PIEZO1: variants seen among roughly 807,000 people sequenced by gnomAD.
PIEZO1 encodes piezo type mechanosensitive ion channel component 1 (Er blood group), also known as piezo-type mechanosensitive ion channel component 1.
PIEZO1 carries 296 observed loss-of-function variants against 297.2 expected under a neutral mutation model. The ratio of observed to expected loss-of-function variants is 1.00; its 90% CI spans 0.91 to 1.10. The LOEUF (loss-of-function observed/expected upper bound fraction) is 1.10, where lower values mean the gene tolerates loss of function less well. Among genes scored for constraint, PIEZO1 ranks in the 50% least tolerant of loss-of-function variants. The pLI, the probability that PIEZO1 is intolerant of heterozygous loss-of-function variation, is 0.00. For missense variants in PIEZO1, 5,018 were observed against 3,455.5 expected, an observed-to-expected ratio of 1.45 and a Z score of -11.34; for synonymous variants, 2,427 against 1,507.5, an observed-to-expected ratio of 1.61 and a Z score of -14.13.
rs1333146804 is a variant in PIEZO1, at chr16:88,757,332, G to T, written c.65-7853C>A. Among the ~76,000 whole-genome samples the T allele has an allele frequency of 2.0e-4, 24 of 118,264 alleles. 3 individuals are homozygous for T. The highest frequency in any genetic ancestry group is 1.7e-3 in the Admixed American group (22 of 12,888). 77.6% of individuals were successfully genotyped at this position (118,264 alleles called of 152,430 possible). ...GGGCGTTGCTGGCGGGGGGGTGGGGGGTAGTTACCTAACCTGCCTGCTTTC... is the reference window on the plus strand; with the variant it reads ...GGGCGTTGCTGGCGGGGGGGTGGGGTGTAGTTACCTAACCTGCCTGCTTTC... On this transcript the variant is annotated intron_variant, in intron 1 of 50. Transcript: ENST00000301015.
chr16:88,741,574 G>A lies in PIEZO1; in HGVS notation c.369C>T (p.Ala123=). 4 of 1,535,596 alleles carry A rather than the reference G, an allele frequency of 2.6e-6. No individual in the cohort carries two copies. The highest frequency in any genetic ancestry group is 3.5e-6 in the Non-Finnish European group (4 of 1,146,732). The part of the protein sequence containing the change: ...KDIPNAIRLV[A]PDLGILVVSS... Reference sequence around the variant, plus strand: ...AGACCACCAAGATGCCCAGGTCAGGGGCCACCAGCCGGATGGCGTTGGGGA... The same window carrying A: ...AGACCACCAAGATGCCCAGGTCAGGAGCCACCAGCCGGATGGCGTTGGGGA... The change falls in exon 5 of 51, where the codon GCC becomes GCT. Residue 123 remains alanine, a synonymous_variant. Transcript: ENST00000301015.
chr16:88,749,521 G>A (rs781154173), intron 1 of PIEZO1, 42 bp from the exon 2 acceptor site: 101 of 1,425,062 alleles, frequency 7.1e-5, no homozygotes, highest in Non-Finnish European at 8.8e-5. Context: ...AACAGAGGAT[G>A]GCCAGCCCCA....
intron 1 of PIEZO1, among the ~76,000 whole-genome samples, chr16:88,754,236 G>A (rs1906541836): frequency 6.6e-6 from 1 of 152,180 alleles, no homozygotes; most frequent in Non-Finnish European, 1.5e-5. Context: ...TGCCCCCACG[G>A]TAGCTGCTGG....
intron 10 of PIEZO1, chr16:88,737,344 G>T: frequency 5.6e-6 from 3 of 533,836 alleles, no homozygotes; most frequent in Non-Finnish European, 1.0e-5. Flanking sequence ...GCTGCCCTGG[G>T]GGTCTTGGGG....
In PIEZO1 at chr16:88,771,380, G is replaced by A. The variant is rs567769594; in HGVS notation, c.64+13521C>T. On this transcript the variant is annotated intron_variant, in intron 1 of 50. Coordinates refer to ENST00000301015, the MANE Select transcript of PIEZO1 (RefSeq NM_001142864.4). Reference sequence around the variant, plus strand: ...CATCTGACTACATACAGCTAGGAGTGCGGCGACAACAAGAAACCAGGCCAG... The same window carrying A: ...CATCTGACTACATACAGCTAGGAGTACGGCGACAACAAGAAACCAGGCCAG... 7.0e-4 allele frequency among the ~76,000 whole-genome samples: 107 copies of A among 152,306 alleles called. 1 individual carries two copies. Among genetic ancestry groups the A allele is most frequent in the Non-Finnish European group, 1.3e-3 (89 of 68,014 alleles).
In PIEZO1 at chr16:88,727,127, C is replaced by G; in HGVS notation, c.3367G>C (p.Glu1123Gln). ...TTGACGCCAGCCATGCGCTGCCACT[C>G]CTCTGTGCGCTCAGCTGAGAACACC... ...WQVFSAERTE[E>Q]WQRMAGVNTD... Residue 1123 changes from glutamate (E) to glutamine (Q), a missense_variant, in exon 24 of 51, where the codon GAG (glutamate) becomes CAG (glutamine). Glu to Gln is a conservative substitution (Grantham distance 29). Transcript: ENST00000301015. The G allele has an allele frequency of 6.5e-7, 1 of 1,549,966 alleles. No homozygotes were observed.
intron 1 of PIEZO1, among the ~76,000 whole-genome samples, chr16:88,762,506 G>C (rs570642400): frequency 6.6e-6 from 1 of 152,142 alleles, no homozygotes; most frequent in Admixed American, 6.5e-5. Flanking sequence ...GAGAGGATGT[G>C]TCTGGGGAGG....
At chr16:88,724,167 G>A (rs139153844) in intron 30 of PIEZO1, among the ~76,000 whole-genome samples, 196 bp from the exon 31 acceptor site, 3 of 152,362 alleles carry the variant, frequency 2.0e-5, no homozygotes, top group East Asian at 3.9e-4. Flanking sequence ...CAGAGCCAGC[G>A]CGGGCTGGGG....
chr16:88,748,617 G>T (rs570196682), intron 2 of PIEZO1, among the ~76,000 whole-genome samples: 1 of 152,094 alleles, frequency 6.6e-6, no homozygotes, highest in Non-Finnish European at 1.5e-5. Context: ...AACGTGCCTG[G>T]AGCCTGCAGA....
rs1434305642 is a variant in PIEZO1, at chr16:88,727,076, C to G, written c.3418G>C (p.Gly1140Arg). 10 of 1,549,556 alleles carry G rather than the reference C, an allele frequency of 6.5e-6. No individual in the cohort carries two copies. Among genetic ancestry groups the G allele is most frequent in the Non-Finnish European group, 7.9e-6 (9 of 1,146,398 alleles). ...AAGTTGGGCACGGGGTTGGGCTCCC[C>G]CCGCAGCGGCTCCAGGCGGTCGGTG... ...VNTDRLEPLR[G>R]EPNPVPNFIH... The change falls in exon 24 of 51, where the codon GGG (glycine) becomes CGG (arginine). Residue 1140 changes from glycine (G) to arginine (R), a missense_variant. Transcript: ENST00000301015.
chr16:88,755,523 G>A (rs1906610635), intron 1 of PIEZO1, among the ~76,000 whole-genome samples: 1 of 152,244 alleles, frequency 6.6e-6, no homozygotes, highest in African/African-American at 2.4e-5. Flanking sequence ...TCGGGCGTTT[G>A]GGTTCAGAGC....
rs568280615 is a variant in PIEZO1, at chr16:88,731,902, G to A, written c.3000C>T (p.Phe1000=). 6.4e-5 allele frequency: 97 copies of A among 1,508,644 alleles called. No individual in the cohort carries two copies. Among genetic ancestry groups the A allele is most frequent in the Admixed American group, 3.6e-4 (17 of 47,552 alleles). The allele number at this position is 1,508,644 out of a possible 1,614,324, so 93.5% of individuals were successfully genotyped here. ...GCCCGATCACGTTCACGGCCATCAG[G>A]AAGCAGATCTGGGGAGGGGAGAGGG... The part of the protein sequence containing the change: ...FFYKFGLEIC[F]LMAVNVIGQR... The change falls in exon 22 of 51, where the codon TTC becomes TTT. Residue 1000 remains phenylalanine, a synonymous_variant. Transcript: ENST00000301015.
In PIEZO1 at chr16:88,769,418, G is replaced by A. The variant is rs112073607; in HGVS notation, c.64+15483C>T. On this transcript the variant is annotated intron_variant, in intron 1 of 50. Transcript: ENST00000301015. ...TATGAAGTCAGGCCTGGAATTTTCC[G>A]CTTGGATTTAGATTTCGGACTTGGG... 6.4e-3 allele frequency among the ~76,000 whole-genome samples: 970 copies of A among 152,306 alleles called. 13 individuals carry two copies. Among genetic ancestry groups the A allele is most frequent in the African/African-American group, 0.021 (858 of 41,560 alleles).
chr16:88,742,829 G>A (rs1483899925), intron 2 of PIEZO1: 4 of 347,756 alleles, frequency 1.2e-5, no homozygotes, highest in African/African-American at 2.1e-5. Flanking sequence ...GGTGGATGGA[G>A]ACCAGAGCAT....
rs113773794 is a variant in PIEZO1 at position 88,721,202 on chromosome 16, T to C, written c.5632A>G (p.Lys1878Glu). 436 of 704,218 alleles carry C rather than the reference T, an allele frequency of 6.2e-4. 4 individuals carry two copies. The South Asian group carries it at 8.7e-3, about 14-fold the overall frequency. The allele number at this position is 704,218 out of a possible 1,614,324, so 43.6% of individuals were successfully genotyped here. A position where few individuals can be genotyped will look rare whatever the true frequency, so the allele number is the denominator to read the frequency against. Residue 1878 changes from lysine to glutamate, a missense_variant, in exon 39 of 51, where the codon AAG becomes GAG. Coordinates refer to ENST00000301015, the MANE Select transcript of PIEZO1 (RefSeq NM_001142864.4). Reference sequence around the variant, plus strand: ...GCTCCTTTCCGTGCTGGGCCCTCCTTCTTCCTTCTTCTAAAACGTAGACTG... The same window carrying C: ...GCTCCTTTCCGTGCTGGGCCCTCCTCCTTCCTTCTTCTAAAACGTAGACTG... ...RISLRFRRRK[K>E]EGPARKGAAA...
rs1184731756 is a variant in PIEZO1 at position 88,721,700 on chromosome 16, G to A, written c.5241C>T (p.Phe1747=). 10 of 1,547,926 alleles carry A rather than the reference G, an allele frequency of 6.5e-6. No individual in the cohort carries two copies. Among genetic ancestry groups the A allele is most frequent in the Non-Finnish European group, 8.7e-6 (10 of 1,146,030 alleles). Reference sequence around the variant, plus strand: ...TGTTCCAGGGGAAGAACCCAAACTGGAACAGGTACTTGACGACCACCGCGA... The same window carrying A: ...TGTTCCAGGGGAAGAACCCAAACTGAAACAGGTACTTGACGACCACCGCGA... ...TEIAVVVKYL[F]QFGFFPWNSH... Residue 1747 remains phenylalanine, a synonymous_variant, in exon 38 of 51, where the codon TTC becomes TTT. Coordinates refer to ENST00000301015, the MANE Select transcript of PIEZO1 (RefSeq NM_001142864.4).
Position 88,734,079 on chromosome 16 carries a change from T to C in PIEZO1, c.2181-25A>G, listed in dbSNP as rs772517714. The C allele has an allele frequency of 8.8e-6, 13 of 1,485,336 alleles. 1 individual carries two copies. The South Asian group carries it at 1.6e-4, about 18-fold the overall frequency. The allele number at this position is 1,485,336 out of a possible 1,614,324, so 92.0% of individuals were successfully genotyped here. A position where few individuals can be genotyped will look rare whatever the true frequency, so the allele number is the denominator to read the frequency against. The stretch of plus-strand genomic sequence containing the variant: ...CCTGGGAGAGGGTCCGAAAATGTCA[T>C]CTCCCAACTGGGTTCCTGCCCCTCA... On this transcript the variant is annotated intron_variant, in intron 16 of 50. Coordinates refer to ENST00000301015, the MANE Select transcript of PIEZO1 (RefSeq NM_001142864.4).
Position 88,715,447 on chromosome 16 carries a change from T to C in PIEZO1, c.*158A>G, listed in dbSNP as rs924760381. ...AGGCCGTGGGGACGCAGTGTCCTTC[T>C]CTGACAGCAGCATCAGGGCTCAGGC... On this transcript the variant is annotated 3_prime_UTR_variant, in exon 51 of 51. Coordinates refer to ENST00000301015, the MANE Select transcript of PIEZO1 (RefSeq NM_001142864.4). 1.1e-6 allele frequency: 1 copy of C among 951,250 alleles called. No individual in the cohort carries two copies. The highest frequency in any genetic ancestry group is 1.6e-6 in the Non-Finnish European group (1 of 644,976). The allele number at this position is 951,250 out of a possible 1,614,324, so 58.9% of individuals were successfully genotyped here. A position where few individuals can be genotyped will look rare whatever the true frequency, so the allele number is the denominator to read the frequency against.
At chr16:88,735,277 CG>C (rs1567673354) in intron 12 of PIEZO1, 31 bp from the exon 13 acceptor site, 11 of 1,479,694 alleles carry the variant, frequency 7.4e-6, no homozygotes, top group South Asian at 6.1e-5. Context: ...CACAGTCAGC[CG>C]GGGGGCCCAG....
Sources: allele counts gnomAD v4.1 joint callset (sites outside exome capture counted in the v4.1 genomes callset), GRCh38; gene constraint gnomAD v4.1.1; transcripts MANE v1.5; gene names NCBI Gene and HGNC (gene_info 2026-07-23, HGNC 2026-07-21).